Variants in DNAJC1 observed in about 807,000 individuals in gnomAD.
The protein encoded by DNAJC1 is dnaJ homolog subfamily C member 1.
In DNAJC1, 58 loss-of-function variants were observed where a neutral mutation model predicts 76.6. The ratio of observed to expected loss-of-function variants is 0.76; its 90% confidence interval spans 0.61 to 0.94. DNAJC1 has a LOEUF of 0.94. DNAJC1 is among the 40% of genes least tolerant of loss of function. The pLI, the probability that DNAJC1 is intolerant of heterozygous loss-of-function variation, is 0.00. For missense variants in DNAJC1, 689 were observed against 677.3 expected (o/e 1.02, Z -0.19); for synonymous variants, 258 against 267.9 (o/e 0.96, Z 0.36).
chr10:21,894,326 T>C (rs1183835508), intron 7 of DNAJC1, among the ~76,000 whole-genome samples: 1 of 152,122 alleles, frequency 6.6e-6, no homozygotes, highest in African/African-American at 2.4e-5. Flanking sequence ...ATCCCAACAC[T>C]TAGGGAGGCC....
chr10:21,884,239 T>C (rs114133386), intron 7 of DNAJC1, among the ~76,000 whole-genome samples: 4,429 of 152,036 alleles, frequency 0.029, 104 homozygotes, highest in Middle Eastern at 0.065. Context: ...AACCACCCAA[T>C]AGAAAAATAT....
intron 8 of DNAJC1, among the ~76,000 whole-genome samples, chr10:21,873,623 T>C (rs1198130696): frequency 6.6e-6 from 1 of 152,136 alleles, no homozygotes; most frequent in Non-Finnish European, 1.5e-5. Context: ...AAGGGAGTCC[T>C]TAGGGATGAA....
intron 8 of DNAJC1, among the ~76,000 whole-genome samples, chr10:21,847,728 G>A (rs1288402230): frequency 4.6e-5 from 7 of 151,962 alleles, no homozygotes; most frequent in Admixed American, 2.6e-4. Flanking sequence ...TTAACATAAC[G>A]TCCTCTAGTT....
chr10:21,886,455 A>C (rs768209729), intron 7 of DNAJC1, among the ~76,000 whole-genome samples: 2 of 152,092 alleles, frequency 1.3e-5, no homozygotes, highest in East Asian at 1.9e-4. Context: ...CTGAGGAGGA[A>C]GGACTCCTCC....
At chr10:21,844,315 C>T (rs1335169187) in intron 8 of DNAJC1, among the ~76,000 whole-genome samples, 1 of 151,732 alleles carries the variant, frequency 6.6e-6, no homozygotes, top group Non-Finnish European at 1.5e-5. Context: ...ACAACGTTGC[C>T]CAGGCTGGTC....
At chr10:21,831,376 T>C (rs1239819035) in intron 8 of DNAJC1, among the ~76,000 whole-genome samples, 1 of 152,216 alleles carries the variant, frequency 6.6e-6, no homozygotes, top group Non-Finnish European at 1.5e-5. Context: ...TTATATTCTG[T>C]GGTGTCAGTT....
intron 7 of DNAJC1, among the ~76,000 whole-genome samples, chr10:21,903,582 C>G (rs1419713407): frequency 2.0e-5 from 3 of 152,204 alleles, no homozygotes; most frequent in Non-Finnish European, 2.9e-5. Flanking sequence ...TACATGAATT[C>G]ATACATCTAT....
chr10:21,900,909 C>T lies in DNAJC1; in HGVS notation c.820+3613G>A, dbSNP rs755978974. Reference sequence around the variant, plus strand: ...TATTTTTCCTTCTTCCCTACCAACCCCTGAATCAACTACTTTCCTCATGAA... The same window carrying T: ...TATTTTTCCTTCTTCCCTACCAACCTCTGAATCAACTACTTTCCTCATGAA... On this transcript the variant is annotated intron_variant, in intron 7 of 11. Coordinates refer to ENST00000376980, the MANE Select transcript of DNAJC1 (RefSeq NM_022365.4). 1.8e-3 allele frequency among the ~76,000 whole-genome samples: 270 copies of T among 152,142 alleles called. 1 individual carries two copies. Among genetic ancestry groups the T allele is most frequent in the Non-Finnish European group, 7.6e-4 (52 of 68,028 alleles).
intron 8 of DNAJC1, among the ~76,000 whole-genome samples, chr10:21,854,281 CCTATA>C (rs1291847792): frequency 1.3e-5 from 2 of 149,828 alleles, no homozygotes; most frequent in South Asian, 2.1e-4. Context: ...AAAACTAAAT[CCTATA>C]CTATACAATA....
intron 10 of DNAJC1, among the ~76,000 whole-genome samples, chr10:21,761,876 C>T (rs1834245174): frequency 6.6e-6 from 1 of 152,128 alleles, no homozygotes; most frequent in African/African-American, 2.4e-5. Context: ...ATTATGAACC[C>T]CATCAATAAA....
chr10:21,812,907 T>C (rs185494705), intron 8 of DNAJC1, among the ~76,000 whole-genome samples: 241 of 151,780 alleles, frequency 1.6e-3, no homozygotes, highest in Non-Finnish European at 2.7e-3. Context: ...CTAGTATTAA[T>C]GCCCTTGTGC....
chr10:21,854,384 G>GTA (rs1835800760), intron 8 of DNAJC1, among the ~76,000 whole-genome samples: 1 of 148,906 alleles, frequency 6.7e-6, no homozygotes, highest in Non-Finnish European at 1.5e-5. Flanking sequence ...TTTCTCCATA[G>GTA]GTATAGTTGT....
At chr10:21,758,137 G>A (rs961635314) in intron 11 of DNAJC1, among the ~76,000 whole-genome samples, 1 of 152,066 alleles carries the variant, frequency 6.6e-6, no homozygotes, top group Non-Finnish European at 1.5e-5. Flanking sequence ...TAAAGTAGGT[G>A]GAGAAAACTA....
chr10:21,979,708 T>C (rs1838121210), intron 1 of DNAJC1, among the ~76,000 whole-genome samples: 1 of 151,774 alleles, frequency 6.6e-6, no homozygotes, highest in South Asian at 2.1e-4. Flanking sequence ...TATTTATAAT[T>C]TTTCTTTTTT....
At chr10:21,966,696 T>A (rs1290659593) in intron 1 of DNAJC1, among the ~76,000 whole-genome samples, 2 of 151,738 alleles carry the variant, frequency 1.3e-5, no homozygotes, top group Non-Finnish European at 2.9e-5. Flanking sequence ...TCTTTTTTTT[T>A]TTTTTTGAGG....
chr10:21,889,194 C>T (rs1836419811), intron 7 of DNAJC1, among the ~76,000 whole-genome samples: 1 of 152,072 alleles, frequency 6.6e-6, no homozygotes, highest in African/African-American at 2.4e-5. Flanking sequence ...TCTTACATGG[C>T]AGGGGCAGAA....
At chr10:21,832,621 A>T (rs1835378319) in intron 8 of DNAJC1, among the ~76,000 whole-genome samples, 1 of 152,160 alleles carries the variant, frequency 6.6e-6, no homozygotes, top group South Asian at 2.1e-4. Flanking sequence ...TGAATCCTGA[A>T]CATTCAAGAT....
At position 21,759,175 on chromosome 10, in the gene DNAJC1, T is replaced by C; in HGVS notation, c.1591A>G (p.Ser531Gly). The change falls in exon 11 of 12, where the codon AGC becomes GGC. Residue 531 changes from serine to glycine, a missense_variant. Coordinates refer to ENST00000376980, the MANE Select transcript of DNAJC1 (RefSeq NM_022365.4). ...CCTCTTTCCCCATCACTCACCTTGC[T>C]CTTGGACGGGACACATCTGGCTATT... ...DKIARCVPSK[S>G]KEDCIARYKL... 6.2e-7 allele frequency: 1 copy of C among 1,612,814 alleles called. No individual in the cohort carries two copies. The highest frequency in any genetic ancestry group is 8.5e-7 in the Non-Finnish European group (1 of 1,179,290).
At chr10:21,761,978 C>T (rs1834246492) in intron 10 of DNAJC1, among the ~76,000 whole-genome samples, 1 of 152,124 alleles carries the variant, frequency 6.6e-6, no homozygotes, top group Admixed American at 6.5e-5. Context: ...CGCGATTTTG[C>T]CTCCCTGCAA....
Sources: allele counts gnomAD v4.1 joint callset (sites outside exome capture counted in the v4.1 genomes callset), GRCh38; gene constraint gnomAD v4.1.1; transcripts MANE v1.5; gene names NCBI Gene and HGNC (gene_info 2026-07-23, HGNC 2026-07-21).